Variants in FOXP2 observed in about 807,000 individuals in gnomAD.
FOXP2 encodes forkhead box protein P2.
FOXP2 carries 12 observed loss-of-function variants against 115.8 expected under a neutral mutation model. The ratio of observed to expected loss-of-function variants is 0.10; its 90% CI spans 0.07 to 0.17. FOXP2 has a LOEUF of 0.17. Ranked by LOEUF, FOXP2 falls within the 10% of genes least tolerant of loss-of-function variation. FOXP2 has a pLI of 1.00. For missense variants in FOXP2, 629 were observed against 843.5 expected, an observed-to-expected ratio of 0.75 and a Z score of 3.15; for synonymous variants, 328 against 297.7, an observed-to-expected ratio of 1.10 and a Z score of -1.05.
At chr7:114,140,236 A>G (rs1792168973) in intron 1 of FOXP2, among the ~76,000 whole-genome samples, 1 of 152,192 alleles carries the variant, frequency 6.6e-6, no homozygotes, top group African/African-American at 2.4e-5. Context: ...TTCATTTTCC[A>G]GAGCCCAACT....
intron 16 of FOXP2, among the ~76,000 whole-genome samples, chr7:114,687,977 G>C (rs1808450391): frequency 6.6e-6 from 1 of 151,766 alleles, no homozygotes; most frequent in Non-Finnish European, 1.5e-5. Context: ...AAACTAAGAA[G>C]ACACACACAC....
chr7:114,189,068 A>G (rs556392179), intron 1 of FOXP2, among the ~76,000 whole-genome samples: 1 of 152,262 alleles, frequency 6.6e-6, no homozygotes, highest in African/African-American at 2.4e-5. Flanking sequence ...ACCACCCAGA[A>G]AATCAGAATT....
At position 114,280,276 on chromosome 7, in the gene FOXP2, T is replaced by A. The variant is rs565296746; in HGVS notation, c.-101-7743T>A. Reference sequence around the variant, plus strand: ...AACTTACTGCTTATGATTATAAAATTTTTTTACCTTTGAATCAGAATTCAT... The same window carrying A: ...AACTTACTGCTTATGATTATAAAATATTTTTACCTTTGAATCAGAATTCAT... On this transcript the variant is annotated intron_variant, in intron 1 of 17. Transcript: ENST00000634411. Among the ~76,000 whole-genome samples, 485 of 152,134 alleles carry A rather than the reference T, an allele frequency of 3.2e-3. 4 individuals are homozygous for A. The highest frequency in any genetic ancestry group is 0.011 in the African/African-American group (466 of 41,540).
At chr7:114,358,688 G>T (rs1791672877) in intron 2 of FOXP2, among the ~76,000 whole-genome samples, 1 of 152,146 alleles carries the variant, frequency 6.6e-6, no homozygotes, top group Non-Finnish European at 1.5e-5. Flanking sequence ...GAGGCATTTT[G>T]CCCCTGCCCT....
chr7:114,619,225 A>G (rs921789707), intron 3 of FOXP2, among the ~76,000 whole-genome samples: 1 of 151,600 alleles, frequency 6.6e-6, no homozygotes, highest in African/African-American at 2.4e-5. Context: ...GTTTGAAAAA[A>G]GAAATGGCCA....
chr7:114,444,192 C>T lies in FOXP2; in HGVS notation c.168+17513C>T, dbSNP rs943529792. ...TGATCACTGTATGTATAATAGATGC[C>T]GAATTATGTCAAATAAACATGAGAA... is the stretch of plus-strand genomic sequence containing the variant. On this transcript the variant is annotated intron_variant, in intron 2 of 16. Coordinates refer to ENST00000350908, the MANE Select transcript of FOXP2 (RefSeq NM_014491.4). Among the ~76,000 whole-genome samples, 17 of 152,052 alleles carry T rather than the reference C, an allele frequency of 1.1e-4. 1 individual carries two copies. In the South Asian group the frequency reaches 1.5e-3, roughly 13 times the overall value.
intron 1 of FOXP2, among the ~76,000 whole-genome samples, chr7:114,255,647 C>T (rs550126590): frequency 6.6e-6 from 1 of 152,216 alleles, no homozygotes; most frequent in African/African-American, 2.4e-5. Flanking sequence ...TGGAAAAGCG[C>T]AGTATTAAGG....
intron 2 of FOXP2, among the ~76,000 whole-genome samples, chr7:114,405,268 CCTT>C (rs1793006577): frequency 6.6e-6 from 1 of 151,776 alleles, no homozygotes; most frequent in African/African-American, 2.4e-5. Context: ...TCCATATACT[CCTT>C]ATTATAAAAG....
At chr7:114,176,426 C>T (rs1166194616) in intron 1 of FOXP2, among the ~76,000 whole-genome samples, 1 of 151,398 alleles carries the variant, frequency 6.6e-6, no homozygotes, top group Admixed American at 6.6e-5. Context: ...GCAGCCTCAA[C>T]CTCCCAGGTT....
intron 2 of FOXP2, among the ~76,000 whole-genome samples, chr7:114,320,103 T>C (rs1562869377): frequency 6.6e-6 from 1 of 152,054 alleles, no homozygotes; most frequent in African/African-American, 2.4e-5. Context: ...TCATAATATA[T>C]GCTTTTTAAA....
intron 1 of FOXP2, among the ~76,000 whole-genome samples, chr7:114,185,632 C>T (rs957128424): frequency 6.6e-6 from 1 of 152,054 alleles, no homozygotes; most frequent in Non-Finnish European, 1.5e-5. Context: ...TCCCAAATTC[C>T]CACTTTTTAA....
At chr7:114,220,881 T>C (rs1794603437) in intron 1 of FOXP2, among the ~76,000 whole-genome samples, 1 of 152,168 alleles carries the variant, frequency 6.6e-6, no homozygotes. Flanking sequence ...AAAAGAAAAC[T>C]CTCTCGAAGT....
intron 3 of FOXP2, among the ~76,000 whole-genome samples, chr7:114,567,531 A>T (rs1801085538): frequency 6.6e-6 from 1 of 152,134 alleles, no homozygotes; most frequent in South Asian, 2.1e-4. Flanking sequence ...ATTCCTTCTG[A>T]AGTTAATGTT....
chr7:114,526,458 A>G (rs1418032035), intron 2 of FOXP2, among the ~76,000 whole-genome samples: 1 of 148,682 alleles, frequency 6.7e-6, no homozygotes, highest in Non-Finnish European at 1.5e-5. Context: ...TCTGGGCGAC[A>G]GGGTGAGACT....
At chr7:114,532,833 A>T (rs919369480) in intron 2 of FOXP2, among the ~76,000 whole-genome samples, 1 of 151,944 alleles carries the variant, frequency 6.6e-6, no homozygotes, top group Non-Finnish European at 1.5e-5. Flanking sequence ...TTTTATTTTG[A>T]GAATTTCAGA....
intron 1 of FOXP2, among the ~76,000 whole-genome samples, chr7:114,141,916 T>A (rs1792222098): frequency 6.6e-6 from 1 of 152,208 alleles, no homozygotes; most frequent in Admixed American, 6.5e-5. Flanking sequence ...TAATCTCAAT[T>A]GATGGTTCAT....
chr7:114,370,170 C>T (rs979806568), intron 2 of FOXP2, among the ~76,000 whole-genome samples: 1 of 152,068 alleles, frequency 6.6e-6, no homozygotes, highest in Non-Finnish European at 1.5e-5. Flanking sequence ...GTTTTTTCCC[C>T]CTTACTTTCA....
intron 3 of FOXP2, among the ~76,000 whole-genome samples, chr7:114,539,090 T>C (rs147941457): frequency 6.6e-6 from 1 of 152,022 alleles, no homozygotes; most frequent in African/African-American, 2.4e-5. Context: ...TCATTCCAAA[T>C]TGTTAAAAAT....
intron 1 of FOXP2, among the ~76,000 whole-genome samples, chr7:114,267,706 G>A (rs796491193): frequency 6.6e-6 from 1 of 150,402 alleles, no homozygotes; most frequent in African/African-American, 2.4e-5. Context: ...CAGCCTGGGA[G>A]ACAGAGCGAG....
Sources: gnomAD v4.1 joint callset for allele counts (sites outside exome capture counted in the v4.1 genomes callset) on GRCh38, gnomAD v4.1.1 for gene constraint, MANE v1.5 for transcripts, NCBI Gene and HGNC (gene_info 2026-07-23, HGNC 2026-07-21) for gene names.